Variants in RCC2 observed in about 807,000 individuals in gnomAD.
RCC2 encodes regulator of chromosome condensation 2.
In RCC2, 19 loss-of-function variants were observed where a neutral mutation model predicts 64.1. The ratio of observed to expected loss-of-function variants is 0.30; its 90% confidence interval spans 0.21 to 0.44. The LOEUF is 0.44. Ranked by LOEUF, RCC2 falls within the 20% of genes least tolerant of loss-of-function variation. The probability of loss-of-function intolerance (pLI) is 1.00; values close to 1 mark genes in which losing one functional copy is unlikely to be tolerated. For synonymous variants in RCC2, 325 were observed against 279.6 expected, an observed-to-expected ratio of 1.16 and a Z score of -1.62; for missense variants, 508 against 710.4, an observed-to-expected ratio of 0.72 and a Z score of 3.24.
intron 2 of RCC2, among the ~76,000 whole-genome samples, chr1:17,434,352 A>G (rs1275859998): frequency 6.6e-6 from 1 of 152,202 alleles, no homozygotes; most frequent in Admixed American, 6.5e-5. Context: ...ATGCCTACAT[A>G]ATGAAGCCTC....
chr1:17,438,561 G>C (rs769361928), intron 1 of RCC2, 39 bp from the exon 2 acceptor site: 2 of 1,290,414 alleles, frequency 1.5e-6, no homozygotes, highest in Non-Finnish European at 2.0e-6. Flanking sequence ...CAATGGACGG[G>C]TTATAAACTG....
intron 8 of RCC2, among the ~76,000 whole-genome samples, chr1:17,415,295 C>T (rs1313554137): frequency 3.3e-5 from 5 of 152,230 alleles, no homozygotes; most frequent in African/African-American, 1.2e-4. Flanking sequence ...GCTGAGACCA[C>T]TCAGTGGGGA....
chr1:17,414,646 C>A lies in RCC2; in HGVS notation c.1027-929G>T, dbSNP rs568663672. On this transcript the variant is annotated intron_variant, in intron 8 of 12. Transcript: ENST00000375436. The stretch of plus-strand genomic sequence containing the variant: ...CTGGATTTTTCGTTTCTTTTCCCCC[C>A]CTCGAGAGGGTCTCGTGCTCTGTTA... Among the ~76,000 whole-genome samples, 12 of 152,090 alleles carry A rather than the reference C, an allele frequency of 7.9e-5. No individual in the cohort carries two copies. The South Asian group carries it at 2.1e-3, about 26-fold the overall frequency.
At chr1:17,412,350 A>G (rs1240580840) in intron 10 of RCC2, among the ~76,000 whole-genome samples, 156 bp from the exon 11 acceptor site, 2 of 152,230 alleles carry the variant, frequency 1.3e-5, no homozygotes, top group Non-Finnish European at 2.9e-5. Context: ...TTTCTCCTCA[A>G]TCCTAAGATT....
chr1:17,430,670 C>T lies in RCC2; in HGVS notation c.286-1471G>A, dbSNP rs904054480. On this transcript the variant is annotated intron_variant, in intron 2 of 12. Transcript: ENST00000375436. Reference sequence around the variant, plus strand: ...AGGCGTGGTGGCATCCGCCTGTCGTCCCAGCTACTCCAGAGGCTGAGGTAG... The same window carrying T: ...AGGCGTGGTGGCATCCGCCTGTCGTTCCAGCTACTCCAGAGGCTGAGGTAG... Among the ~76,000 whole-genome samples, 4 of 152,094 alleles carry T rather than the reference C, an allele frequency of 2.6e-5. No homozygotes were observed. The East Asian group carries it at 7.9e-4, about 30-fold the overall frequency.
At chr1:17,431,499 C>CAAAAAAAAAAAAAA (rs558362245) in intron 2 of RCC2, among the ~76,000 whole-genome samples, 11 of 57,890 alleles carry the variant, frequency 1.9e-4, no homozygotes, top group African/African-American at 2.2e-4. Context: ...AGCCCTGTCT[C>CAAAAAAAAAAAAAA]AAAAAAAAAA....
In RCC2 at chr1:17,413,174, A is replaced by C; in HGVS notation, c.1212T>G (p.Gly404=). The C allele has an allele frequency of 6.2e-7, 1 of 1,611,076 alleles. No homozygotes were observed. The highest frequency in any genetic ancestry group is 8.5e-7 in the Non-Finnish European group (1 of 1,177,402). The part of the protein sequence containing the change: ...TCSFAVSEVG[G]LFFWGATNTS... ...TGTTGGTGGCCCCCCAGAAAAACAG[A>C]CCACCTAAGGGAAGACAAAACATGT... is the stretch of plus-strand genomic sequence containing the variant. Residue 404 remains glycine, a synonymous_variant, in exon 10 of 13, where the codon GGT becomes GGG. Coordinates refer to ENST00000375436, the MANE Select transcript of RCC2 (RefSeq NM_018715.4).
intron 2 of RCC2, among the ~76,000 whole-genome samples, chr1:17,429,535 G>A (rs907088347): frequency 2.6e-5 from 4 of 152,114 alleles, no homozygotes; most frequent in African/African-American, 9.7e-5. Flanking sequence ...TTTGCAGGAA[G>A]CCTGCCGGAC....
At chr1:17,411,987 A>ACGATTGAGTC (rs1255647263) in intron 11 of RCC2, 135 bp downstream of exon 11, 1 of 759,682 alleles carries the variant, frequency 1.3e-6, no homozygotes, top group East Asian at 2.7e-5. Context: ...CGTGTTGCAA[A>ACGATTGAGTC]CCTTAATACA....
chr1:17,414,996 A>T (rs2075467656), intron 8 of RCC2, among the ~76,000 whole-genome samples: 2 of 152,232 alleles, frequency 1.3e-5, no homozygotes, highest in African/African-American at 4.8e-5. Context: ...ATGAACTCAG[A>T]GACACTTCAA....
chr1:17,416,527 C>G lies in RCC2; in HGVS notation c.979G>C (p.Val327Leu). The change falls in exon 8 of 13, where the codon GTA becomes CTA. Residue 327 changes from valine (V) to leucine (L), a missense_variant. Physicochemically the swap from Val to Leu is conservative, Grantham distance 32. This residue lies in a region of RCC2 where 179 missense variants were observed against 322.0 expected (regional missense o/e 0.56). Coordinates refer to ENST00000375436, the MANE Select transcript of RCC2 (RefSeq NM_018715.4). ...ACGTCTCGTACAACCACGTTTGGTACAGGCAGAATCTGTCCATCTTTCGTC... is the reference window on the plus strand; with the variant it reads ...ACGTCTCGTACAACCACGTTTGGTAGAGGCAGAATCTGTCCATCTTTCGTC... ...EKTKDGQILPVPNVVVRDVAC... is the reference protein window; with the variant it reads ...EKTKDGQILPLPNVVVRDVAC... The G allele has an allele frequency of 6.2e-7, 1 of 1,613,880 alleles. No homozygotes were observed. Among genetic ancestry groups the G allele is most frequent in the Non-Finnish European group, 8.5e-7 (1 of 1,180,006 alleles).
chr1:17,439,415 T>A (rs2075782138), intron 1 of RCC2, 130 bp downstream of exon 1: 1 of 149,292 alleles, frequency 6.7e-6, no homozygotes, highest in Non-Finnish European at 1.5e-5. Flanking sequence ...TTCCTTCCTC[T>A]TTTTATTCCT....
At chr1:17,429,324 TCCACACGAACAGAGTCTCC>T in intron 2 of RCC2, 125 bp from the exon 3 acceptor site, 1 of 733,430 alleles carries the variant, frequency 1.4e-6, no homozygotes, top group Non-Finnish European at 2.4e-6. Context: ...ACCTGTGACC[TCCACACGAACAGAGTCTCC>T]CCACACTCCC....
intron 2 of RCC2, among the ~76,000 whole-genome samples, chr1:17,431,314 A>AGCGAAACT (rs2075672845): frequency 8.3e-6 from 1 of 120,530 alleles, no homozygotes; most frequent in Non-Finnish European, 1.7e-5. Context: ...AGCCTGGGCG[A>AGCGAAACT]CTGAGCAAGA....
Position 17,438,271 on chromosome 1 carries a change from C to T in RCC2, c.244G>A (p.Ala82Thr), listed in dbSNP as rs771584794. 2.3e-6 allele frequency: 3 copies of T among 1,308,958 alleles called. No homozygotes were observed. The African/African-American group carries it at 4.7e-5, about 20-fold the overall frequency. 81.1% of individuals were successfully genotyped at this position (1,308,958 alleles called of 1,614,324 possible). A position where few individuals can be genotyped will look rare whatever the true frequency, so the allele number is the denominator to read the frequency against. The change falls in exon 2 of 13, where the codon GCC becomes ACC. Residue 82 changes from alanine (A) to threonine (T), a missense_variant. Physicochemically the swap from Ala to Thr is moderately conservative, Grantham distance 58 (BLOSUM62 0). Transcript: ENST00000375436. ...PATAGKAGGA[A>T]VVITEPEHTK... ...TGCTCGGGTTCGGTGATGACCACGG[C>T]CGCGCCGCCCGCCTTGCCTGCTGTC...
chr1:17,412,847 A>G (rs1177875413), intron 10 of RCC2, among the ~76,000 whole-genome samples: 1 of 152,152 alleles, frequency 6.6e-6, no homozygotes, highest in Non-Finnish European at 1.5e-5. Context: ...CTTCAAAATG[A>G]CTTTCTTCCC....
chr1:17,425,081 C>A (rs886996459), intron 4 of RCC2, among the ~76,000 whole-genome samples: 1 of 152,180 alleles, frequency 6.6e-6, no homozygotes, highest in African/African-American at 2.4e-5. Flanking sequence ...GACACGAGGG[C>A]CATGGCGGCA....
chr1:17,435,218 A>G (rs1342470336), intron 2 of RCC2, among the ~76,000 whole-genome samples: 3 of 152,266 alleles, frequency 2.0e-5, no homozygotes, highest in Admixed American at 6.5e-5. Flanking sequence ...CTCATCTGCC[A>G]TAAGAATGTT....
chr1:17,439,124 C>T (rs1408957915), intron 1 of RCC2, among the ~76,000 whole-genome samples: 1 of 152,204 alleles, frequency 6.6e-6, no homozygotes, highest in Non-Finnish European at 1.5e-5. Context: ...GCGGACTGCC[C>T]CCGGCGACGG....
Sources: allele counts gnomAD v4.1 joint callset (sites outside exome capture counted in the v4.1 genomes callset), GRCh38; gene constraint gnomAD v4.1.1; regional missense constraint gnomAD v4.1.1; transcripts MANE v1.5; gene names NCBI Gene and HGNC (gene_info 2026-07-23, HGNC 2026-07-21).